SARDH: variants seen among roughly 807,000 people sequenced by gnomAD.
The protein encoded by SARDH is sarcosine dehydrogenase, mitochondrial.
SARDH carries 95 observed loss-of-function variants against 109.1 expected under a neutral mutation model. That is an observed-to-expected ratio of 0.87 (90% CI 0.74 to 1.03). The LOEUF is 1.03. SARDH is among the 50% of genes least tolerant of loss of function. The pLI is 0.00. For synonymous variants in SARDH, 572 were observed against 534.8 expected, an observed-to-expected ratio of 1.07 and a Z score of -0.96; for missense variants, 1,267 against 1,287.8, an observed-to-expected ratio of 0.98 and a Z score of 0.25.
chr9:133,717,713 CA>C (rs1341126271), intron 7 of SARDH, among the ~76,000 whole-genome samples: 4 of 151,834 alleles, frequency 2.6e-5, no homozygotes, highest in Non-Finnish European at 5.9e-5. Flanking sequence ...CTTCCCTACT[CA>C]CAAGCCTCCT....
chr9:133,690,486 G>T lies in SARDH; in HGVS notation c.1963C>A (p.His655Asn), dbSNP rs1831051225. The T allele has an allele frequency of 2.5e-6, 4 of 1,610,666 alleles. No individual in the cohort carries two copies. Among genetic ancestry groups the T allele is most frequent in the Non-Finnish European group, 3.4e-6 (4 of 1,179,742 alleles). Residue 655 changes from histidine (H) to asparagine (N), a missense_variant, in exon 16 of 21, where the codon CAC becomes AAC. His to Asn is a moderately conservative substitution (Grantham distance 68). Coordinates refer to ENST00000439388, the MANE Select transcript of SARDH (RefSeq NM_001134707.2). ...ACGGTGGTGATGTGGGACCAGTTGT[G>T]CTGGGCCACGGCCCCGCCCATGGCC... Reference protein sequence around the residue: ...YLAMGGAVAQHNWSHITTVLQ... With the variant: ...YLAMGGAVAQNNWSHITTVLQ...
chr9:133,729,263 AG>A (rs1369894260), intron 6 of SARDH, among the ~76,000 whole-genome samples: 1 of 152,076 alleles, frequency 6.6e-6, no homozygotes, highest in Non-Finnish European at 1.5e-5. Context: ...AGTTGAGGAC[AG>A]GAGAGAAGAG....
At chr9:133,696,495 A>G (rs1312844444) in intron 13 of SARDH, 134 bp from the exon 14 acceptor site, 1 of 1,104,144 alleles carries the variant, frequency 9.1e-7, no homozygotes, top group African/African-American at 1.5e-5. Flanking sequence ...AGCCCGCACC[A>G]AGCCCTTCTC....
At chr9:133,670,934 CT>C (rs1001319135) in intron 18 of SARDH, among the ~76,000 whole-genome samples, 182 bp from the exon 19 acceptor site, 9 of 152,066 alleles carry the variant, frequency 5.9e-5, no homozygotes, top group African/African-American at 2.2e-4. Context: ...GGGGCGACCG[CT>C]CCCCCGAGCA....
chr9:133,663,797 T>A lies in SARDH; in HGVS notation c.*92A>T. The A allele has an allele frequency of 6.4e-7, 1 of 1,555,290 alleles. No individual in the cohort carries two copies. The highest frequency in any genetic ancestry group is 8.7e-7 in the Non-Finnish European group (1 of 1,144,516). On this transcript the variant is annotated 3_prime_UTR_variant, in exon 21 of 21. Transcript: ENST00000439388. Reference sequence around the variant, plus strand: ...AGGCTAAGGACAGGGAGGGCACAAGTTCTGGCTGGGTCCAGGGTCCTGGGA... The same window carrying A: ...AGGCTAAGGACAGGGAGGGCACAAGATCTGGCTGGGTCCAGGGTCCTGGGA...
Position 133,719,776 on chromosome 9 carries a change from C to T in SARDH, c.916-734G>A, listed in dbSNP as rs546356787. On this transcript the variant is annotated intron_variant, in intron 6 of 20. Coordinates refer to ENST00000439388, the MANE Select transcript of SARDH (RefSeq NM_001134707.2). ...TTCCTGAGAGGCTCTCCAGTCCTCC[C>T]CTCCAAGCCTCCAATCACACTGCTG... 4.1e-3 allele frequency among the ~76,000 whole-genome samples: 629 copies of T among 152,228 alleles called. 4 individuals carry two copies. Among genetic ancestry groups the T allele is most frequent in the African/African-American group, 0.014 (588 of 41,540 alleles).
chr9:133,717,891 G>T (rs2131465545), intron 7 of SARDH, among the ~76,000 whole-genome samples: 1 of 152,268 alleles, frequency 6.6e-6, no homozygotes, highest in African/African-American at 2.4e-5. Context: ...TCTTCACCCA[G>T]ACCTGGCACG....
chr9:133,704,812 C>G lies in SARDH; in HGVS notation c.1554+136G>C. 1 of 717,062 alleles carries G rather than the reference C, an allele frequency of 1.4e-6. No individual in the cohort carries two copies. The highest frequency in any genetic ancestry group is 2.4e-6 in the Non-Finnish European group (1 of 419,930). The allele number at this position is 717,062 out of a possible 1,614,324, so 44.4% of individuals were successfully genotyped here. A position where few individuals can be genotyped will look rare whatever the true frequency, so the allele number is the denominator to read the frequency against. On this transcript the variant is annotated intron_variant, in intron 12 of 20. Transcript: ENST00000439388. This position sits in a 1 kb window ranked among gnomAD's most constrained non-coding sequence, Gnocchi z 4.5. ...TCGGCAGGGCTCGGCTTCCCGTGTG[C>G]AGAATAACTGATCACGACAGTGGAA...
At chr9:133,707,009 C>T (rs1220196152) in intron 11 of SARDH, among the ~76,000 whole-genome samples, 2 of 152,224 alleles carry the variant, frequency 1.3e-5, no homozygotes, top group South Asian at 2.1e-4. Context: ...ACCATGGGGA[C>T]ATCCCATGGG....
chr9:133,701,013 C>T lies in SARDH; in HGVS notation c.1668+1903G>A, dbSNP rs118096815. On this transcript the variant is annotated intron_variant, in intron 13 of 20. Transcript: ENST00000439388. Reference sequence around the variant, plus strand: ...TCCTCCCAAACTCCCTTTGAGTTTCCACAAGGGAACTCATATTACCCCTCA... The same window carrying T: ...TCCTCCCAAACTCCCTTTGAGTTTCTACAAGGGAACTCATATTACCCCTCA... Among the ~76,000 whole-genome samples, 1,456 of 152,318 alleles carry T rather than the reference C, an allele frequency of 9.6e-3. 8 individuals carry two copies. The highest frequency in any genetic ancestry group is 0.016 in the Non-Finnish European group (1,108 of 68,024).
upstream of SARDH, among the ~76,000 whole-genome samples, chr9:133,738,879 G>A (rs1202274256): frequency 6.6e-6 from 1 of 152,216 alleles, no homozygotes. Flanking sequence ...GTCTGTCTGC[G>A]TCCTGCTTTC....
chr9:133,711,680 C>T (rs758865699), intron 10 of SARDH, among the ~76,000 whole-genome samples: 12 of 152,170 alleles, frequency 7.9e-5, no homozygotes, highest in Non-Finnish European at 1.8e-4. Context: ...AGGGGCGCAC[C>T]GAGCTGAGCC....
chr9:133,691,392 G>A (rs533330459), intron 15 of SARDH, among the ~76,000 whole-genome samples: 22 of 152,272 alleles, frequency 1.4e-4, no homozygotes, highest in South Asian at 1.2e-3. Context: ...AAAACAAGAC[G>A]CCAGTCCTGA....
chr9:133,714,880 G>C (rs1832061156), intron 8 of SARDH, among the ~76,000 whole-genome samples: 1 of 152,216 alleles, frequency 6.6e-6, no homozygotes, highest in South Asian at 2.1e-4. Context: ...GGGCAGGAAA[G>C]AAGCTCTGAA....
chr9:133,706,467 C>T (rs1330302635), intron 11 of SARDH, among the ~76,000 whole-genome samples: 3 of 152,128 alleles, frequency 2.0e-5, no homozygotes, highest in Non-Finnish European at 4.4e-5. Flanking sequence ...TGAGGAAGGG[C>T]TGTTTACTGG....
In SARDH at chr9:133,734,223, T is replaced by G; in HGVS notation, c.-30-20A>C. On this transcript the variant is annotated intron_variant, in intron 1 of 20. Coordinates refer to ENST00000439388, the MANE Select transcript of SARDH (RefSeq NM_001134707.2). Reference sequence around the variant, plus strand: ...AGGGAGCTGGGGAGAGAATCAGAGCTGGGTGGGGTGCAGAGGGGACACGCT... The same window carrying G: ...AGGGAGCTGGGGAGAGAATCAGAGCGGGGTGGGGTGCAGAGGGGACACGCT... 1.4e-6 allele frequency: 2 copies of G among 1,464,594 alleles called. No homozygotes were observed. The highest frequency in any genetic ancestry group is 1.8e-6 in the Non-Finnish European group (2 of 1,104,470). The allele number at this position is 1,464,594 out of a possible 1,614,324, so 90.7% of individuals were successfully genotyped here.
intron 19 of SARDH, 69 bp downstream of exon 19, chr9:133,670,515 A>G (rs2131330802): frequency 6.6e-7 from 1 of 1,504,184 alleles, no homozygotes; most frequent in Non-Finnish European, 9.0e-7. Context: ...GTGGGGGACC[A>G]AGAAGCGCCT....
intron 17 of SARDH, among the ~76,000 whole-genome samples, chr9:133,683,509 G>C (rs151169073): frequency 6.6e-6 from 1 of 152,324 alleles, no homozygotes; most frequent in Non-Finnish European, 1.5e-5. Context: ...CGGGCCATCT[G>C]AAGGCCGTGT....
In SARDH at chr9:133,734,344, C is replaced by CTCAT. The variant is rs781187543; in HGVS notation, c.-30-145_-30-142dup. The CTCAT allele has an allele frequency of 4.4e-4, 179 of 408,600 alleles. No homozygotes were observed. In the East Asian group the frequency reaches 4.9e-3, roughly 11 times the overall value. The allele number at this position is 408,600 out of a possible 1,614,324, so 25.3% of individuals were successfully genotyped here. A position where few individuals can be genotyped will look rare whatever the true frequency, so the allele number is the denominator to read the frequency against. ...CTTCCCCATGGCATTCATTCATTCA[C>CTCAT]TCATTCATTCATTCATTCACTCATT... On this transcript the variant is annotated intron_variant, in intron 1 of 20. Coordinates refer to ENST00000439388, the MANE Select transcript of SARDH (RefSeq NM_001134707.2).
Sources: allele counts gnomAD v4.1 joint callset (sites outside exome capture counted in the v4.1 genomes callset), GRCh38; gene constraint gnomAD v4.1.1; non-coding constraint Gnocchi (gnomAD v3.1); transcripts MANE v1.5; gene names NCBI Gene and HGNC (gene_info 2026-07-23, HGNC 2026-07-21).